The following SLC2A13 variants were observed in gnomAD, a reference collection of about 807,000 sequenced individuals.
SLC2A13 encodes proton myo-inositol cotransporter.
SLC2A13 carries 32 observed loss-of-function variants against 64.4 expected under a neutral mutation model. That is an observed-to-expected ratio of 0.50 (90% CI 0.37 to 0.67). The LOEUF (loss-of-function observed/expected upper bound fraction) is 0.67, where lower values mean the gene tolerates loss of function less well. Ranked by LOEUF, SLC2A13 falls within the 30% of genes least tolerant of loss-of-function variation. SLC2A13 has a pLI of 0.00. For synonymous variants in SLC2A13, 338 were observed against 327.1 expected, an observed-to-expected ratio of 1.03 and a Z score of -0.36; for missense variants, 743 against 829.2, an observed-to-expected ratio of 0.90 and a Z score of 1.28.
intron 3 of SLC2A13, among the ~76,000 whole-genome samples, chr12:39,956,630 CAAT>C (rs1188644708): frequency 4.6e-5 from 7 of 152,100 alleles, no homozygotes; most frequent in African/African-American, 1.4e-4. Flanking sequence ...TTAGAAACAA[CAAT>C]GTTTGATCAA....
rs965893439 is a variant in SLC2A13 at position 40,085,382 on chromosome 12, G to C, written c.556+19871C>G. 2.0e-5 allele frequency among the ~76,000 whole-genome samples: 3 copies of C among 152,336 alleles called. No homozygotes were observed. The East Asian group carries it at 5.8e-4, about 29-fold the overall frequency. On this transcript the variant is annotated intron_variant, in intron 1 of 9. Transcript: ENST00000280871. Reference sequence around the variant, plus strand: ...AGACCCAAATTTGCAACCGGTGTCTGAAGGCTGTTGGCATTGGGGGTGGTG... The same window carrying C: ...AGACCCAAATTTGCAACCGGTGTCTCAAGGCTGTTGGCATTGGGGGTGGTG...
At chr12:39,815,791 A>C (rs1942322258) in intron 7 of SLC2A13, among the ~76,000 whole-genome samples, 2 of 152,208 alleles carry the variant, frequency 1.3e-5, no homozygotes, top group South Asian at 4.1e-4. Context: ...GGAAAAAACA[A>C]ATAAATGTTG....
At chr12:39,907,218 A>T (rs1392993467) in intron 4 of SLC2A13, among the ~76,000 whole-genome samples, 2 of 152,136 alleles carry the variant, frequency 1.3e-5, no homozygotes. Context: ...ACAAGTAGAG[A>T]TTTGTATTTA....
intron 1 of SLC2A13, among the ~76,000 whole-genome samples, chr12:40,049,242 T>A (rs1461816663): frequency 6.6e-6 from 1 of 152,214 alleles, no homozygotes; most frequent in East Asian, 1.9e-4. Flanking sequence ...CTAAAAAATT[T>A]AATGTTTATA....
chr12:40,049,203 C>A (rs1479735664), intron 1 of SLC2A13, among the ~76,000 whole-genome samples: 1 of 148,696 alleles, frequency 6.7e-6, no homozygotes, highest in Admixed American at 6.7e-5. Flanking sequence ...CAATACTTAC[C>A]AAAGCCTCCA....
intron 7 of SLC2A13, among the ~76,000 whole-genome samples, chr12:39,767,893 C>G (rs1317057665): frequency 6.6e-6 from 1 of 152,082 alleles, no homozygotes; most frequent in Admixed American, 6.6e-5. Flanking sequence ...GCTTCCCCTT[C>G]CTCCATGATT....
chr12:39,755,705 C>T lies in SLC2A13; in HGVS notation c.*4321G>A, dbSNP rs1281515387. On this transcript the variant is annotated 3_prime_UTR_variant, in exon 10 of 10. Transcript: ENST00000280871. ...GACAAAATCAAACACATGAACTTAA[C>T]TGTCTAAAATAAAAATGTGAATATT... is the stretch of plus-strand genomic sequence containing the variant. 1 of 152,018 alleles carries T rather than the reference C, an allele frequency of 6.6e-6. No homozygotes were observed. Among genetic ancestry groups the T allele is most frequent in the East Asian group, 1.9e-4 (1 of 5,306 alleles). 9.4% of individuals were successfully genotyped at this position (152,018 alleles called of 1,614,324 possible).
chr12:39,812,631 C>T (rs1942211119), intron 7 of SLC2A13, among the ~76,000 whole-genome samples: 1 of 151,846 alleles, frequency 6.6e-6, no homozygotes, highest in Non-Finnish European at 1.5e-5. Flanking sequence ...CACGGCTACG[C>T]CCGGCTGATT....
intron 4 of SLC2A13, among the ~76,000 whole-genome samples, chr12:39,899,280 C>T (rs61556629): frequency 0.022 from 3,381 of 151,992 alleles, 125 homozygotes; most frequent in African/African-American, 0.077. Context: ...GAGGTGTTTG[C>T]AGTATTCTCT....
At chr12:40,073,862 C>T (rs1312858093) in intron 1 of SLC2A13, among the ~76,000 whole-genome samples, 4 of 151,996 alleles carry the variant, frequency 2.6e-5, no homozygotes, top group African/African-American at 9.7e-5. Context: ...CTTCACATAG[C>T]TATTCTGCCA....
intron 2 of SLC2A13, among the ~76,000 whole-genome samples, chr12:40,032,388 T>C (rs1432109804): frequency 6.6e-6 from 1 of 152,228 alleles, no homozygotes; most frequent in Non-Finnish European, 1.5e-5. Flanking sequence ...ATCACTCATC[T>C]AAAGATTTAA....
At chr12:40,037,676 T>G (rs996557897) in intron 2 of SLC2A13, among the ~76,000 whole-genome samples, 2 of 151,936 alleles carry the variant, frequency 1.3e-5, no homozygotes, top group African/African-American at 4.8e-5. Context: ...GAATTTGCTT[T>G]GCAGGTAACT....
At chr12:39,933,382 T>C (rs1388052353) in intron 4 of SLC2A13, among the ~76,000 whole-genome samples, 1 of 152,178 alleles carries the variant, frequency 6.6e-6, no homozygotes, top group African/African-American at 2.4e-5. Context: ...CAGTAAGTGA[T>C]GAGAGGCAAC....
At chr12:39,897,531 C>T (rs899937579) in intron 4 of SLC2A13, among the ~76,000 whole-genome samples, 3 of 152,158 alleles carry the variant, frequency 2.0e-5, no homozygotes, top group African/African-American at 4.8e-5. Flanking sequence ...ACTGTGTAAT[C>T]GATCCCTGTG....
In SLC2A13 at chr12:39,759,940, G is replaced by C; in HGVS notation, c.*86C>G. 1.0e-6 allele frequency: 1 copy of C among 968,606 alleles called. No individual in the cohort carries two copies. Among genetic ancestry groups the C allele is most frequent in the Non-Finnish European group, 1.6e-6 (1 of 628,244 alleles). The allele number at this position is 968,606 out of a possible 1,614,324, so 60.0% of individuals were successfully genotyped here. A position where few individuals can be genotyped will look rare whatever the true frequency, so the allele number is the denominator to read the frequency against. On this transcript the variant is annotated 3_prime_UTR_variant, in exon 10 of 10. Coordinates refer to ENST00000280871, the MANE Select transcript of SLC2A13 (RefSeq NM_052885.4). ...CAAAACTAGGCTGTGGAAAGAACCA[G>C]ATTAGAAGCAGGGCAGTGAAGTCAC...
At chr12:39,975,939 A>C (rs915632558) in intron 3 of SLC2A13, among the ~76,000 whole-genome samples, 1 of 152,256 alleles carries the variant, frequency 6.6e-6, no homozygotes, top group Non-Finnish European at 1.5e-5. Flanking sequence ...ACTAACAAAC[A>C]GCAGACTAGG....
At chr12:40,063,691 G>A (rs533546453) in intron 1 of SLC2A13, among the ~76,000 whole-genome samples, 13 of 152,128 alleles carry the variant, frequency 8.5e-5, no homozygotes, top group South Asian at 2.1e-4. Flanking sequence ...ATTTATAACC[G>A]GAAGAATGAC....
intron 4 of SLC2A13, among the ~76,000 whole-genome samples, chr12:39,943,078 C>T (rs1488338126): frequency 2.6e-5 from 4 of 152,188 alleles, no homozygotes; most frequent in East Asian, 1.9e-4. Context: ...GTATCACCAG[C>T]GGAGACTGTG....
intron 4 of SLC2A13, among the ~76,000 whole-genome samples, chr12:39,942,127 T>C (rs1043770637): frequency 6.6e-6 from 1 of 152,234 alleles, no homozygotes; most frequent in African/African-American, 2.4e-5. Context: ...CAGTATAGTT[T>C]GAAATCAGGT....
Sources: gnomAD v4.1 joint callset for allele counts (sites outside exome capture counted in the v4.1 genomes callset) on GRCh38, gnomAD v4.1.1 for gene constraint, MANE v1.5 for transcripts, NCBI Gene and HGNC (gene_info 2026-07-23, HGNC 2026-07-21) for gene names.